The following ARIH1 variants were observed in gnomAD, a reference collection of about 807,000 sequenced individuals.
ARIH1 encodes ariadne RBR E3 ubiquitin protein ligase 1.
Under a neutral mutation model 85.0 loss-of-function variants are expected in ARIH1, and 8 were observed. The observed-to-expected ratio is 0.09, with a 90% CI of 0.06 to 0.17. The LOEUF (loss-of-function observed/expected upper bound fraction) is 0.17. ARIH1 is among the 10% of genes least tolerant of loss of function. The pLI, the probability that ARIH1 is intolerant of heterozygous loss-of-function variation, is 1.00. For missense variants in ARIH1, 311 were observed against 718.1 expected (o/e 0.43, Z 6.48); for synonymous variants, 238 against 253.6 (o/e 0.94, Z 0.59).
intron 1 of ARIH1, among the ~76,000 whole-genome samples, chr15:72,506,238 T>C (rs2063924215): frequency 6.6e-6 from 1 of 150,970 alleles, no homozygotes; most frequent in Admixed American, 6.6e-5. Context: ...TAATCCCAGC[T>C]ACTCAGGAGG....
At chr15:72,564,612 C>G (rs572111017) in intron 7 of ARIH1, among the ~76,000 whole-genome samples, 1 of 152,284 alleles carries the variant, frequency 6.6e-6, no homozygotes, top group Non-Finnish European at 1.5e-5. Flanking sequence ...GAACAGCACC[C>G]TCACTTCTTG....
chr15:72,474,672 C>T lies in ARIH1; in HGVS notation c.33C>T (p.Phe11=). Residue 11 remains phenylalanine, a synonymous_variant, in exon 1 of 14, where the codon TTC becomes TTT. Transcript: ENST00000379887. MDSDEGYNYE[F]DEDEECSEED... Reference sequence around the variant, plus strand: ...CGGACGAGGGCTACAACTACGAGTTCGACGAGGACGAGGAGTGCAGTGAGG... The same window carrying T: ...CGGACGAGGGCTACAACTACGAGTTTGACGAGGACGAGGAGTGCAGTGAGG... 6.4e-7 allele frequency: 1 copy of T among 1,563,054 alleles called. No individual in the cohort carries two copies.
At position 72,584,869 on chromosome 15, in the gene ARIH1, T is replaced by C. The variant is rs1047052165; in HGVS notation, c.*1577T>C. 1 of 151,118 alleles carries C rather than the reference T, an allele frequency of 6.6e-6. No homozygotes were observed. Among genetic ancestry groups the C allele is most frequent in the Non-Finnish European group, 1.5e-5 (1 of 67,866 alleles). The allele number at this position is 151,118 out of a possible 1,614,324, so 9.4% of individuals were successfully genotyped here. A position where few individuals can be genotyped will look rare whatever the true frequency, so the allele number is the denominator to read the frequency against. On this transcript the variant is annotated 3_prime_UTR_variant, in exon 14 of 14. Coordinates refer to ENST00000379887, the MANE Select transcript of ARIH1 (RefSeq NM_005744.5). Reference sequence around the variant, plus strand: ...CAATAGGTCAGCATCTGTAAATCTGTCAGTTTTATACAGGAGTGCAGAGTG... The same window carrying C: ...CAATAGGTCAGCATCTGTAAATCTGCCAGTTTTATACAGGAGTGCAGAGTG...
intron 1 of ARIH1, among the ~76,000 whole-genome samples, chr15:72,502,061 A>AT (rs879634971): frequency 2.3e-4 from 35 of 151,184 alleles, no homozygotes; most frequent in Admixed American, 7.3e-4. Context: ...AGTCTTGAGT[A>AT]TTTTTTTTTG....
intron 1 of ARIH1, among the ~76,000 whole-genome samples, chr15:72,479,857 G>A (rs968489120): frequency 2.6e-5 from 4 of 151,900 alleles, no homozygotes; most frequent in Admixed American, 6.6e-5. Flanking sequence ...AAGGAAGACA[G>A]TGTACTATTC....
At chr15:72,530,678 T>C (rs956406235) in intron 2 of ARIH1, among the ~76,000 whole-genome samples, 1 of 152,218 alleles carries the variant, frequency 6.6e-6, no homozygotes, top group African/African-American at 2.4e-5. Context: ...AAAATGAGTA[T>C]GCTATCACCA....
intron 11 of ARIH1, among the ~76,000 whole-genome samples, chr15:72,575,162 A>G (rs2064264868): frequency 1.3e-5 from 2 of 152,134 alleles, no homozygotes; most frequent in Admixed American, 6.5e-5. Context: ...TGGATTTGTC[A>G]TGCAGGCCAG....
At chr15:72,551,823 T>C (rs111517187) in intron 3 of ARIH1, among the ~76,000 whole-genome samples, 1,981 of 152,284 alleles carry the variant, frequency 0.013, 16 homozygotes, top group Middle Eastern at 0.041. Flanking sequence ...TGGCAAAATA[T>C]ATCAAGAGAG....
intron 1 of ARIH1, among the ~76,000 whole-genome samples, chr15:72,493,960 AT>A (rs2063869783): frequency 6.6e-6 from 1 of 152,180 alleles, no homozygotes; most frequent in South Asian, 2.1e-4. Flanking sequence ...AAACATATAT[AT>A]CTGCCTTTAT....
intron 2 of ARIH1, among the ~76,000 whole-genome samples, chr15:72,531,525 C>T (rs1450372570): frequency 1.3e-5 from 2 of 152,128 alleles, no homozygotes; most frequent in Non-Finnish European, 2.9e-5. Context: ...GCCTCAGCCT[C>T]CCAAAGTGCT....
chr15:72,562,298 T>A (rs2064200631), intron 6 of ARIH1, among the ~76,000 whole-genome samples: 1 of 152,230 alleles, frequency 6.6e-6, no homozygotes. Context: ...GAGTAGTTGC[T>A]ACAGAGACTG....
chr15:72,497,570 G>A (rs573751739), intron 1 of ARIH1, among the ~76,000 whole-genome samples: 24 of 152,138 alleles, frequency 1.6e-4, no homozygotes, highest in Non-Finnish European at 3.2e-4. Flanking sequence ...AACACTTGAA[G>A]ATGAAATGGA....
intron 12 of ARIH1, chr15:72,581,661 A>T (rs920716632): frequency 3.7e-5 from 6 of 162,576 alleles, no homozygotes; most frequent in African/African-American, 1.4e-4. Context: ...GTGGTAAAGG[A>T]TGATACAATT....
chr15:72,553,746 G>A (rs1567354536), intron 3 of ARIH1, among the ~76,000 whole-genome samples: 1 of 152,166 alleles, frequency 6.6e-6, no homozygotes, highest in East Asian at 1.9e-4. Flanking sequence ...GTGAAACCCT[G>A]TTTCTACTAA....
At chr15:72,560,609 A>G (rs2064193560) in intron 5 of ARIH1, among the ~76,000 whole-genome samples, 1 of 152,350 alleles carries the variant, frequency 6.6e-6, no homozygotes, top group Non-Finnish European at 1.5e-5. Flanking sequence ...AGGCAGCCTT[A>G]TGCACAGCCT....
intron 11 of ARIH1, among the ~76,000 whole-genome samples, chr15:72,577,542 A>G (rs2064277170): frequency 6.6e-6 from 1 of 151,882 alleles, no homozygotes. Flanking sequence ...GCGTGGTAGC[A>G]GGCGCCTGTA....
intron 2 of ARIH1, among the ~76,000 whole-genome samples, chr15:72,527,364 TACTC>T (rs1349151066): frequency 1.3e-5 from 2 of 152,220 alleles, no homozygotes; most frequent in Non-Finnish European, 2.9e-5. Context: ...GATATCTCCT[TACTC>T]CTTTGATAGA....
intron 9 of ARIH1, among the ~76,000 whole-genome samples, chr15:72,569,367 T>C (rs1393230568): frequency 6.6e-6 from 1 of 152,190 alleles, no homozygotes; most frequent in East Asian, 1.9e-4. Flanking sequence ...CTCTGTAGCA[T>C]ACTTGTTAAG....
At chr15:72,521,817 G>A (rs1595860169) in intron 2 of ARIH1, among the ~76,000 whole-genome samples, 1 of 152,212 alleles carries the variant, frequency 6.6e-6, no homozygotes, top group East Asian at 1.9e-4. Context: ...CCAAAGTGCT[G>A]GGGTTACAGG....
Sources: allele counts gnomAD v4.1 joint callset (sites outside exome capture counted in the v4.1 genomes callset), GRCh38; gene constraint gnomAD v4.1.1; transcripts MANE v1.5; gene names NCBI Gene and HGNC (gene_info 2026-07-23, HGNC 2026-07-21).